The following TMEM154 variants were observed in gnomAD, a reference collection of about 807,000 sequenced individuals.
The protein encoded by TMEM154 is transmembrane protein 154.
In TMEM154, 27 loss-of-function variants were observed where a neutral mutation model predicts 24.5. The observed-to-expected ratio is 1.10, with a 90% CI of 0.81 to 1.52. The LOEUF (loss-of-function observed/expected upper bound fraction) is 1.52. TMEM154 is among the 40% of genes most tolerant of loss of function. The probability of loss-of-function intolerance (pLI) is 0.00; values close to 1 mark genes in which losing one functional copy is unlikely to be tolerated. For missense variants in TMEM154, 228 were observed against 213.4 expected (o/e 1.07, Z -0.43); for synonymous variants, 67 against 76.8 (o/e 0.87, Z 0.67).
At chr4:152,629,969 T>C (rs1374310764) in intron 6 of TMEM154, among the ~76,000 whole-genome samples, 1 of 151,636 alleles carries the variant, frequency 6.6e-6, no homozygotes, top group Non-Finnish European at 1.5e-5. Flanking sequence ...AGAAGAACAA[T>C]GGGAAAGGAG....
intron 1 of TMEM154, among the ~76,000 whole-genome samples, chr4:152,676,856 C>CAAA (rs1040104846): frequency 6.6e-6 from 1 of 152,198 alleles, no homozygotes; most frequent in Admixed American, 6.5e-5. Flanking sequence ...TGTTTGGCCA[C>CAAA]CAAAACAGTC....
intron 1 of TMEM154, among the ~76,000 whole-genome samples, chr4:152,658,467 T>G (rs1468458838): frequency 6.6e-6 from 1 of 151,858 alleles, no homozygotes; most frequent in Non-Finnish European, 1.5e-5. Context: ...AAATAGAGAC[T>G]AAAAACAAAC....
intron 1 of TMEM154, among the ~76,000 whole-genome samples, chr4:152,656,972 T>C (rs1360922052): frequency 3.3e-5 from 5 of 150,514 alleles, no homozygotes; most frequent in Non-Finnish European, 5.9e-5. Flanking sequence ...ACCAAAGAGA[T>C]AGAGATAATA....
intron 3 of TMEM154, chr4:152,646,841 A>G (rs1728250952): frequency 3.0e-6 from 2 of 656,722 alleles, no homozygotes; most frequent in African/African-American, 3.6e-5. Context: ...TGAGCAAGAG[A>G]AAGAGTCTCT....
Position 152,626,474 on chromosome 4 carries a change from C to A in TMEM154, c.*2072G>T, listed in dbSNP as rs1053063628. On this transcript the variant is annotated 3_prime_UTR_variant, in exon 7 of 7. Coordinates refer to ENST00000304385, the MANE Select transcript of TMEM154 (RefSeq NM_152680.3). ...TCTGGCTGTATACTAACTTCATATA[C>A]CCTGACAGAATAAACTATCTTTTTA... 1 of 152,098 alleles carries A rather than the reference C, an allele frequency of 6.6e-6. No homozygotes were observed. Among genetic ancestry groups the A allele is most frequent in the Non-Finnish European group, 1.5e-5 (1 of 68,014 alleles). The allele number at this position is 152,098 out of a possible 1,614,324, so 9.4% of individuals were successfully genotyped here. A position where few individuals can be genotyped will look rare whatever the true frequency, so the allele number is the denominator to read the frequency against.
Position 152,628,577 on chromosome 4 carries a change from A to C in TMEM154, c.537-16T>G, listed in dbSNP as rs774443165. ...TTCACTGTCACTGTAAAAAAAAAAA[A>C]AAAAAAAAAAAAAAACAAAAAAAAC... On this transcript the variant is annotated splice_polypyrimidine_tract_variant and intron_variant, in intron 6 of 6. Coordinates refer to ENST00000304385, the MANE Select transcript of TMEM154 (RefSeq NM_152680.3). 16 of 1,179,792 alleles carry C rather than the reference A, an allele frequency of 1.4e-5. No homozygotes were observed. In the African/African-American group the frequency reaches 1.6e-4, roughly 12 times the overall value. 73.1% of individuals were successfully genotyped at this position (1,179,792 alleles called of 1,614,324 possible). A position where few individuals can be genotyped will look rare whatever the true frequency, so the allele number is the denominator to read the frequency against.
rs924304574 is a variant in TMEM154 at position 152,624,430 on chromosome 4, T to G, written c.*4116A>C. 6.6e-6 allele frequency: 1 copy of G among 151,912 alleles called. No individual in the cohort carries two copies. Among genetic ancestry groups the G allele is most frequent in the African/African-American group, 2.4e-5 (1 of 41,292 alleles). The allele number at this position is 151,912 out of a possible 1,614,324, so 9.4% of individuals were successfully genotyped here. ...GCCTGAGCAACACGGTGAAACCCTA[T>G]CTGTACAAAAGATACAAAAAATTAG... On this transcript the variant is annotated 3_prime_UTR_variant, in exon 7 of 7. Coordinates refer to ENST00000304385, the MANE Select transcript of TMEM154 (RefSeq NM_152680.3).
At chr4:152,671,956 G>C (rs1728848955) in intron 1 of TMEM154, among the ~76,000 whole-genome samples, 1 of 151,800 alleles carries the variant, frequency 6.6e-6, no homozygotes, top group African/African-American at 2.4e-5. Context: ...ACCCAGGGGT[G>C]AGATGAAAGT....
Position 152,621,622 on chromosome 4 carries a change from A to G in TMEM154, c.*6924T>C, listed in dbSNP as rs1751844802. On this transcript the variant is annotated 3_prime_UTR_variant, in exon 7 of 7. Coordinates refer to ENST00000304385, the MANE Select transcript of TMEM154 (RefSeq NM_152680.3). ...TGCCTGTTGTTTGTCAATAATACTGACTGGTCTTTGTGAGCCGAAAGAATA... is the reference window on the plus strand; with the variant it reads ...TGCCTGTTGTTTGTCAATAATACTGGCTGGTCTTTGTGAGCCGAAAGAATA... 6.6e-6 allele frequency: 1 copy of G among 152,216 alleles called. No individual in the cohort carries two copies. Among genetic ancestry groups the G allele is most frequent in the Non-Finnish European group, 1.5e-5 (1 of 68,042 alleles). The allele number at this position is 152,216 out of a possible 1,614,324, so 9.4% of individuals were successfully genotyped here. A position where few individuals can be genotyped will look rare whatever the true frequency, so the allele number is the denominator to read the frequency against.
At chr4:152,660,561 C>T (rs563730006) in intron 1 of TMEM154, among the ~76,000 whole-genome samples, 2 of 152,306 alleles carry the variant, frequency 1.3e-5, no homozygotes, top group South Asian at 2.1e-4. Context: ...AAAGAGGTTA[C>T]ACAACTTGCC....
chr4:152,628,845 C>A (rs1196592622), intron 6 of TMEM154, among the ~76,000 whole-genome samples: 12 of 151,018 alleles, frequency 7.9e-5, no homozygotes. Context: ...CGGGGTTTCA[C>A]CATGTTAGCC....
intron 3 of TMEM154, among the ~76,000 whole-genome samples, chr4:152,644,677 C>T (rs1214080360): frequency 2.6e-5 from 4 of 152,218 alleles, no homozygotes; most frequent in Non-Finnish European, 5.9e-5. Flanking sequence ...TGAGAACGCT[C>T]ACTTCAGACC....
At position 152,653,571 on chromosome 4, in the gene TMEM154, G is replaced by GTCTCTACTAAA. The variant is rs528812394; in HGVS notation, c.65-645_65-644insTTTAGTAGAGA. On this transcript the variant is annotated intron_variant, in intron 1 of 6. Transcript: ENST00000304385. ...TACCCAGCTAATTTTTGTATTTTTA[G>GTCTCTACTAAA]TAGAGACAGGGTTTCACCATGTTGG... is the stretch of plus-strand genomic sequence containing the variant. 2.5e-4 allele frequency among the ~76,000 whole-genome samples: 38 copies of GTCTCTACTAAA among 150,990 alleles called. No homozygotes were observed. The South Asian group carries it at 7.0e-3, about 28-fold the overall frequency.
At position 152,623,620 on chromosome 4, in the gene TMEM154, C is replaced by T. The variant is rs763582591; in HGVS notation, c.*4926G>A. On this transcript the variant is annotated 3_prime_UTR_variant, in exon 7 of 7. Transcript: ENST00000304385. ...ACTGGCTGGGCATGGTGGCTTATGC[C>T]TATAATCCCAACATGTTGGGAGGCT... 4 of 152,184 alleles carry T rather than the reference C, an allele frequency of 2.6e-5. No individual in the cohort carries two copies. Among genetic ancestry groups the T allele is most frequent in the Non-Finnish European group, 5.9e-5 (4 of 68,054 alleles). 9.4% of individuals were successfully genotyped at this position (152,184 alleles called of 1,614,324 possible).
intron 1 of TMEM154, among the ~76,000 whole-genome samples, chr4:152,671,564 G>A (rs1453118097): frequency 6.6e-6 from 1 of 150,962 alleles, no homozygotes; most frequent in Admixed American, 6.6e-5. Flanking sequence ...CGGCTAAAAC[G>A]GTGAAACCCC....
intron 6 of TMEM154, among the ~76,000 whole-genome samples, chr4:152,629,996 T>C (rs1219534738): frequency 6.6e-6 from 1 of 152,056 alleles, no homozygotes; most frequent in Non-Finnish European, 1.5e-5. Context: ...GACAGAATTT[T>C]ATCTGAGGCA....
chr4:152,646,587 T>C (rs2149782296), intron 3 of TMEM154: 1 of 209,296 alleles, frequency 4.8e-6, no homozygotes, highest in South Asian at 9.1e-5. Context: ...CAAATGCAGC[T>C]CTTACAAAGC....
chr4:152,649,350 A>G (rs79141428), intron 3 of TMEM154, among the ~76,000 whole-genome samples: 7,275 of 152,336 alleles, frequency 0.048, 210 homozygotes, highest in East Asian at 0.072. Context: ...AGTCTGCTTT[A>G]GACCTAGAAC....
At chr4:152,673,544 G>C (rs1294694192) in intron 1 of TMEM154, among the ~76,000 whole-genome samples, 1 of 152,070 alleles carries the variant, frequency 6.6e-6, no homozygotes, top group Non-Finnish European at 1.5e-5. Flanking sequence ...CAAGTGATCC[G>C]CCTGCCTCTG....
Sources: allele counts gnomAD v4.1 joint callset (sites outside exome capture counted in the v4.1 genomes callset), GRCh38; gene constraint gnomAD v4.1.1; transcripts MANE v1.5; gene names NCBI Gene and HGNC (gene_info 2026-07-23, HGNC 2026-07-21).